The following PDE10A variants were observed in gnomAD, a reference collection of about 807,000 sequenced individuals.
The protein encoded by PDE10A is phosphodiesterase 10A, also known as cAMP and cAMP-inhibited cGMP 3',5'-cyclic phosphodiesterase 10A.
Under a neutral mutation model 97.7 loss-of-function variants are expected in PDE10A, and 39 were observed. The observed-to-expected ratio is 0.40, with a 90% CI of 0.31 to 0.52. The LOEUF (loss-of-function observed/expected upper bound fraction) is 0.52, where lower values mean the gene tolerates loss of function less well. Among genes scored for constraint, PDE10A ranks in the 20% least tolerant of loss-of-function variants. The pLI, the probability that PDE10A is intolerant of heterozygous loss-of-function variation, is 0.56. For synonymous variants in PDE10A, 371 were observed against 376.8 expected (o/e 0.98, Z 0.18); for missense variants, 731 against 1,047.8 (o/e 0.70, Z 4.17).
rs969401948 is a variant in PDE10A, at chr6:165,402,463, T to C, written c.2077-6004A>G. Among the ~76,000 whole-genome samples, 6 of 152,134 alleles carry C rather than the reference T, an allele frequency of 3.9e-5. No homozygotes were observed. The East Asian group carries it at 1.2e-3, about 29-fold the overall frequency. ...ATAATCTAGGATTATTAGTAGATGA[T>C]TTTATCATACTCATGCAAACTACTG... On this transcript the variant is annotated intron_variant, in intron 13 of 21. Coordinates refer to ENST00000539869, the MANE Select transcript of PDE10A (RefSeq NM_001385079.1).
At chr6:165,831,050 A>T (rs1779896685) in intron 1 of PDE10A, among the ~76,000 whole-genome samples, 1 of 152,154 alleles carries the variant, frequency 6.6e-6, no homozygotes, top group African/African-American at 2.4e-5. Flanking sequence ...TTTTAAACAG[A>T]GTCCTCTCCC....
chr6:165,429,661 C>T (rs958292747), intron 9 of PDE10A, among the ~76,000 whole-genome samples: 2 of 152,034 alleles, frequency 1.3e-5, no homozygotes, highest in Non-Finnish European at 1.5e-5. Context: ...GTTACCACAT[C>T]CCGGCGCATA....
chr6:165,806,484 G>A (rs1328355511), intron 1 of PDE10A, among the ~76,000 whole-genome samples: 21 of 152,284 alleles, frequency 1.4e-4, no homozygotes, highest in South Asian at 8.3e-4. Context: ...GCTGTGCTGC[G>A]CAGCCTGTGC....
At chr6:165,619,288 C>CGT in intron 1 of PDE10A, among the ~76,000 whole-genome samples, 1 of 34,182 alleles carries the variant, frequency 2.9e-5, no homozygotes, top group South Asian at 8.9e-4. Flanking sequence ...TGTAGTCTAG[C>CGT]ATAGTCTAGT....
intron 2 of PDE10A, among the ~76,000 whole-genome samples, chr6:165,533,640 T>A (rs1276740535): frequency 4.6e-5 from 7 of 152,162 alleles, no homozygotes; most frequent in Non-Finnish European, 5.9e-5. Context: ...TACTGGCACA[T>A]TCCAGGTACA....
At chr6:165,516,229 T>C (rs148574427) in intron 2 of PDE10A, among the ~76,000 whole-genome samples, 1 of 152,290 alleles carries the variant, frequency 6.6e-6, no homozygotes, top group African/African-American at 2.4e-5. Flanking sequence ...TCCCTCTCTA[T>C]TGAAGCACTT....
chr6:165,396,365 C>A lies in PDE10A; in HGVS notation c.2171G>T (p.Gly724Val), dbSNP rs963305424. The change falls in exon 14 of 22, where the codon GGT becomes GTT. Residue 724 changes from glycine to valine, a missense_variant. Physicochemically the swap from Gly to Val is moderately radical, Grantham distance 109. Transcript: ENST00000539869. ...CACGGGAAGGGTGAATTGCATGAGA[C>A]CTTGCCACTCTTCTGAAGTACAAAT... ...HSICTSEEWQGLMQFTLPVRL... is the reference protein window; with the variant it reads ...HSICTSEEWQVLMQFTLPVRL... 5.6e-6 allele frequency: 9 copies of A among 1,613,320 alleles called. No individual in the cohort carries two copies. The highest frequency in any genetic ancestry group is 1.7e-5 in the Admixed American group (1 of 59,930).
At chr6:165,920,091 C>T (rs755023810) in intron 1 of PDE10A, among the ~76,000 whole-genome samples, 2 of 152,204 alleles carry the variant, frequency 1.3e-5, no homozygotes, top group Non-Finnish European at 2.9e-5. Flanking sequence ...AATGCAGCCA[C>T]ACTTATCTGG....
chr6:165,858,797 G>A lies in PDE10A; in HGVS notation c.-615+128732C>T, dbSNP rs1780819730. ...GCCATTTAAATCCATGTTTCCCCGGGGGTACTCCCTGGACCTGGAAGGCTG... is the reference window on the plus strand; with the variant it reads ...GCCATTTAAATCCATGTTTCCCCGGAGGTACTCCCTGGACCTGGAAGGCTG... On this transcript the variant is annotated intron_variant, in intron 1 of 19. Transcript: ENST00000366882. Among the ~76,000 whole-genome samples, 3 of 152,222 alleles carry A rather than the reference G, an allele frequency of 2.0e-5. No homozygotes were observed. The South Asian group carries it at 6.2e-4, about 32-fold the overall frequency.
At chr6:165,618,244 T>A (rs1787817288) in intron 1 of PDE10A, among the ~76,000 whole-genome samples, 1 of 152,234 alleles carries the variant, frequency 6.6e-6, no homozygotes, top group South Asian at 2.1e-4. Flanking sequence ...AATGGGATTT[T>A]TTTTCTTTTT....
At chr6:165,699,974 T>A (rs1008695988) in intron 1 of PDE10A, among the ~76,000 whole-genome samples, 1 of 151,900 alleles carries the variant, frequency 6.6e-6, no homozygotes, top group Non-Finnish European at 1.5e-5. Flanking sequence ...AAGGAAATTA[T>A]AGAGTGGAAA....
chr6:165,635,267 G>A (rs758588479), intron 1 of PDE10A, among the ~76,000 whole-genome samples: 7 of 152,288 alleles, frequency 4.6e-5, no homozygotes, highest in Middle Eastern at 3.4e-3. Context: ...TAAAAGGTAC[G>A]TGCCTAACAT....
At chr6:165,752,582 AT>A (rs959224899) in intron 1 of PDE10A, among the ~76,000 whole-genome samples, 10 of 152,296 alleles carry the variant, frequency 6.6e-5, no homozygotes, top group African/African-American at 2.2e-4. Context: ...CATTTACTTC[AT>A]TTTCTTAAAT....
intron 1 of PDE10A, among the ~76,000 whole-genome samples, chr6:165,923,632 T>C (rs1438039938): frequency 1.3e-5 from 2 of 152,230 alleles, no homozygotes. Context: ...ACTGGCAGCC[T>C]TCTTAACAAG....
chr6:165,945,942 G>A (rs1163383185), intron 1 of PDE10A, among the ~76,000 whole-genome samples: 1 of 152,200 alleles, frequency 6.6e-6, no homozygotes, highest in Non-Finnish European at 1.5e-5. Flanking sequence ...CAGCCATAAT[G>A]TGCTATTTTT....
intron 1 of PDE10A, among the ~76,000 whole-genome samples, chr6:165,962,249 G>C (rs1371339851): frequency 1.3e-5 from 2 of 152,218 alleles, no homozygotes; most frequent in East Asian, 3.8e-4. Flanking sequence ...AGGACTCAGA[G>C]ACCTCAGGGG....
chr6:165,604,369 C>T (rs1482691958), intron 1 of PDE10A, among the ~76,000 whole-genome samples: 1 of 152,072 alleles, frequency 6.6e-6, no homozygotes, highest in Non-Finnish European at 1.5e-5. Flanking sequence ...TGATACCCCA[C>T]AAATACTCAG....
At chr6:165,825,402 C>T (rs985170170) in intron 1 of PDE10A, among the ~76,000 whole-genome samples, 3 of 152,246 alleles carry the variant, frequency 2.0e-5, no homozygotes, top group African/African-American at 2.4e-5. Flanking sequence ...AGTCATCACT[C>T]ATGCTAGCAG....
intron 18 of PDE10A, among the ~76,000 whole-genome samples, chr6:165,346,338 G>A (rs1186789947): frequency 6.6e-6 from 1 of 152,110 alleles, no homozygotes; most frequent in African/African-American, 2.4e-5. Context: ...AGACATTAGA[G>A]GTAGAGCCAA....
Sources: gnomAD v4.1 joint callset for allele counts (sites outside exome capture counted in the v4.1 genomes callset) on GRCh38, gnomAD v4.1.1 for gene constraint, MANE v1.5 for transcripts, NCBI Gene and HGNC (gene_info 2026-07-23, HGNC 2026-07-21) for gene names.